SATB2: variants seen among roughly 807,000 people sequenced by gnomAD.
SATB2 encodes SATB homeobox 2, also known as DNA-binding protein SATB2.
In SATB2, 1 loss-of-function variant was observed where a neutral mutation model predicts 73.4. That is an observed-to-expected ratio of 0.01 (90% CI 0.00 to 0.06). The LOEUF (loss-of-function observed/expected upper bound fraction) is 0.06. SATB2 is among the 10% of genes least tolerant of loss of function. The pLI is 1.00. For synonymous variants in SATB2, 397 were observed against 367.0 expected, an observed-to-expected ratio of 1.08 and a Z score of -0.93; for missense variants, 459 against 945.8, an observed-to-expected ratio of 0.49 and a Z score of 6.75.
rs1442174477 is a variant in SATB2, at chr2:199,371,118, A to G, written c.598-2411T>C. 2.0e-5 allele frequency among the ~76,000 whole-genome samples: 3 copies of G among 152,164 alleles called. No individual in the cohort carries two copies. In the East Asian group the frequency reaches 5.8e-4, roughly 29 times the overall value. On this transcript the variant is annotated intron_variant, in intron 5 of 10. Transcript: ENST00000417098. ...TTACTGATAAGAATTGTTATAGTCC[A>G]TCCTCAGAAGACTTTAAAATCAGAA...
At chr2:199,447,309 C>T (rs1227843216) in intron 2 of SATB2, among the ~76,000 whole-genome samples, 1 of 152,126 alleles carries the variant, frequency 6.6e-6, no homozygotes, top group African/African-American at 2.4e-5. Flanking sequence ...GATTGCAGGT[C>T]GAAGCAAGAG....
chr2:199,427,789 AAC>A (rs1691380846), intron 3 of SATB2, among the ~76,000 whole-genome samples: 1 of 152,140 alleles, frequency 6.6e-6, no homozygotes, highest in Non-Finnish European at 1.5e-5. Context: ...TCAAACACTG[AAC>A]AATTTAAACT....
At chr2:199,417,036 TCACACACACACA>T (rs55763647) in intron 3 of SATB2, among the ~76,000 whole-genome samples, 24,583 of 144,216 alleles carry the variant, frequency 0.17, 2,689 homozygotes, top group Middle Eastern at 0.24. Context: ...ACTCCGTCTC[TCACACACACACA>T]CACACACACA....
At chr2:199,387,004 T>C (rs1689983732) in intron 3 of SATB2, among the ~76,000 whole-genome samples, 1 of 152,196 alleles carries the variant, frequency 6.6e-6, no homozygotes, top group Admixed American at 6.5e-5. Context: ...TTGGTTTGTA[T>C]ACCTTATAAA....
chr2:199,393,937 G>A (rs1690224539), intron 3 of SATB2, among the ~76,000 whole-genome samples: 1 of 152,008 alleles, frequency 6.6e-6, no homozygotes, highest in Non-Finnish European at 1.5e-5. Flanking sequence ...ATATCATCCA[G>A]CCGACTGCAC....
chr2:199,292,473 A>G (rs773322625), intron 10 of SATB2, among the ~76,000 whole-genome samples: 2 of 152,260 alleles, frequency 1.3e-5, no homozygotes, highest in Non-Finnish European at 2.9e-5. Flanking sequence ...TGTGGAAATC[A>G]TATCTTTATT....
chr2:199,313,524 A>G (rs1687649560), intron 9 of SATB2, among the ~76,000 whole-genome samples: 1 of 152,160 alleles, frequency 6.6e-6, no homozygotes, highest in African/African-American at 2.4e-5. Flanking sequence ...TTAAACAAAT[A>G]TATTTCCCTC....
At chr2:199,440,303 C>T (rs988334773) in intron 2 of SATB2, among the ~76,000 whole-genome samples, 1 of 152,320 alleles carries the variant, frequency 6.6e-6, no homozygotes, top group East Asian at 1.9e-4. Flanking sequence ...TGGGCTAAGG[C>T]AGCCACAGGC....
At chr2:199,346,100 G>A (rs1688642593) in intron 7 of SATB2, among the ~76,000 whole-genome samples, 1 of 151,778 alleles carries the variant, frequency 6.6e-6, no homozygotes. Context: ...CTTGCCACGA[G>A]GCCAGTAAGA....
At chr2:199,385,643 C>T (rs1207426086) in intron 3 of SATB2, among the ~76,000 whole-genome samples, 1 of 152,182 alleles carries the variant, frequency 6.6e-6, no homozygotes, top group Non-Finnish European at 1.5e-5. Context: ...GGTAATATTA[C>T]TAGCAAGTAG....
At chr2:199,402,656 T>C (rs919829254) in intron 3 of SATB2, among the ~76,000 whole-genome samples, 4 of 152,246 alleles carry the variant, frequency 2.6e-5, no homozygotes, top group South Asian at 2.1e-4. Context: ...TCAAAGGTAC[T>C]AATAATGTTC....
Position 199,330,690 on chromosome 2 carries a change from C to T in SATB2, c.1174-1780G>A, listed in dbSNP as rs555069695. 3.6e-4 allele frequency among the ~76,000 whole-genome samples: 55 copies of T among 152,320 alleles called. 1 individual carries two copies. The highest frequency in any genetic ancestry group is 1.0e-3 in the Admixed American group (16 of 15,284). On this transcript the variant is annotated intron_variant, in intron 7 of 10. Transcript: ENST00000417098. ...CTGCCTAAAGCTATCCTACTTTCCA[C>T]TTGCACTAAGCAACCTGAAATATTC...
At position 199,380,499 on chromosome 2, in the gene SATB2, A is replaced by C; in HGVS notation, c.474-12T>G. On this transcript the variant is annotated splice_polypyrimidine_tract_variant and intron_variant, in intron 4 of 10. Coordinates refer to ENST00000417098, the MANE Select transcript of SATB2 (RefSeq NM_001172509.2). ...CCAACTTTGAACAACTGCAAAACAG[A>C]GCAATAATGAACAATACACAAACCT... is the stretch of plus-strand genomic sequence containing the variant. 1 of 1,611,672 alleles carries C rather than the reference A, an allele frequency of 6.2e-7. No homozygotes were observed. The highest frequency in any genetic ancestry group is 8.5e-7 in the Non-Finnish European group (1 of 1,179,930).
At chr2:199,273,160 C>T (rs1301951026) in intron 10 of SATB2, among the ~76,000 whole-genome samples, 1 of 152,162 alleles carries the variant, frequency 6.6e-6, no homozygotes, top group Non-Finnish European at 1.5e-5. Flanking sequence ...AAGAAACCAA[C>T]CTCCTAGAGA....
chr2:199,367,252 G>A lies in SATB2; in HGVS notation c.700+1353C>T, dbSNP rs191616310. Among the ~76,000 whole-genome samples the A allele has an allele frequency of 4.6e-5, 7 of 152,260 alleles. No homozygotes were observed. In the East Asian group the frequency reaches 1.3e-3, roughly 29 times the overall value. On this transcript the variant is annotated intron_variant, in intron 6 of 10. Transcript: ENST00000417098. ...TATTCATCTTATATTGCACAAGGGT[G>A]AATATTAATATGCGAAAGCATTTGC...
chr2:199,361,211 G>C (rs1389903988), intron 6 of SATB2, among the ~76,000 whole-genome samples: 1 of 152,088 alleles, frequency 6.6e-6, no homozygotes. Flanking sequence ...TTCTCACTGA[G>C]GTATCAGCAA....
chr2:199,354,526 C>T (rs1246872430), intron 6 of SATB2, among the ~76,000 whole-genome samples: 1 of 152,034 alleles, frequency 6.6e-6, no homozygotes, highest in Non-Finnish European at 1.5e-5. Context: ...ATGTAAGTCC[C>T]CAAACAGAAC....
At chr2:199,439,704 G>GTC (rs145752822) in intron 2 of SATB2, among the ~76,000 whole-genome samples, 9 of 151,574 alleles carry the variant, frequency 5.9e-5, no homozygotes, top group Middle Eastern at 3.4e-3. Flanking sequence ...ATCTCTCTCT[G>GTC]TCTCTCTCTC....
upstream of SATB2, among the ~76,000 whole-genome samples, chr2:199,462,472 G>T (rs774564617): frequency 1.3e-5 from 2 of 152,204 alleles, no homozygotes; most frequent in African/African-American, 4.8e-5. The surrounding 1 kb of genome is among the most constrained non-coding windows in gnomAD (Gnocchi z 5.9). Flanking sequence ...CTTGGAGGAC[G>T]GTTCGCCCAG....
Sources: gnomAD v4.1 joint callset for allele counts (sites outside exome capture counted in the v4.1 genomes callset) on GRCh38, gnomAD v4.1.1 for gene constraint, Gnocchi (gnomAD v3.1) non-coding constraint, MANE v1.5 for transcripts, NCBI Gene and HGNC (gene_info 2026-07-23, HGNC 2026-07-21) for gene names.